Variants in TRMT1 observed in about 807,000 individuals in gnomAD.
TRMT1 encodes tRNA (guanine(26)-N(2))-dimethyltransferase.
TRMT1 carries 63 observed loss-of-function variants against 75.4 expected under a neutral mutation model. That is an observed-to-expected ratio of 0.84 (90% CI 0.68 to 1.03). The LOEUF is 1.03. TRMT1 is among the 50% of genes least tolerant of loss of function. The pLI is 0.00. For missense variants in TRMT1, 870 were observed against 905.3 expected (o/e 0.96, Z 0.50); for synonymous variants, 382 against 358.1 (o/e 1.07, Z -0.75).
chr19:13,107,447 C>G, intron 14 of TRMT1, 127 bp downstream of exon 14: 2 of 1,187,196 alleles, frequency 1.7e-6, no homozygotes, highest in Non-Finnish European at 2.4e-6. Flanking sequence ...CCCCAGTCAG[C>G]AGATTTTGAA....
rs199564415 is a variant in TRMT1, at chr19:13,105,410, G to A, written c.1704-14C>T. On this transcript the variant is annotated splice_polypyrimidine_tract_variant and intron_variant, in intron 15 of 16. Transcript: ENST00000357720. ...GCCGCCTTGCCCCTGTGCGAGGGGA[G>A]GAGTAGGTGGGACCCCATCTGCCCT... The A allele has an allele frequency of 6.5e-5, 105 of 1,613,608 alleles. No homozygotes were observed. The East Asian group carries it at 1.6e-3, about 25-fold the overall frequency.
Position 13,109,825 on chromosome 19 carries a change from C to T in TRMT1, c.1120G>A (p.Ala374Thr), listed in dbSNP as rs1599940545. 2 of 1,614,156 alleles carry T rather than the reference C, an allele frequency of 1.2e-6. No individual in the cohort carries two copies. The highest frequency in any genetic ancestry group is 1.1e-5 in the South Asian group (1 of 91,084). The change falls in exon 10 of 17, where the codon GCA (alanine) becomes ACA (threonine). Residue 374 changes from alanine (A) to threonine (T), a missense_variant. Ala to Thr is a moderately conservative substitution (Grantham distance 58). Transcript: ENST00000357720. ...GGGGTCACAGGGGGACCACAGGCTGCAGAGAACTTGGCCCTAAACAGAGAG... is the reference window on the plus strand; with the variant it reads ...GGGGTCACAGGGGGACCACAGGCTGTAGAGAACTTGGCCCTAAACAGAGAG... ...GVPSGRAKFSAACGPPVTPEC... is the reference protein window; with the variant it reads ...GVPSGRAKFSTACGPPVTPEC...
intron 5 of TRMT1, among the ~76,000 whole-genome samples, chr19:13,115,013 T>C (rs140380338): frequency 5.3e-4 from 80 of 152,334 alleles, no homozygotes; most frequent in African/African-American, 1.9e-3. Flanking sequence ...TATGGCTCAT[T>C]TGAATGAATA....
Position 13,105,096 on chromosome 19 carries a change from G to C in TRMT1, c.1834-15C>G. 6.4e-7 allele frequency: 1 copy of C among 1,574,228 alleles called. No homozygotes were observed. Among genetic ancestry groups the C allele is most frequent in the South Asian group, 1.2e-5 (1 of 83,784 alleles). On this transcript the variant is annotated splice_polypyrimidine_tract_variant and intron_variant, in intron 16 of 16. Transcript: ENST00000357720. Reference sequence around the variant, plus strand: ...TGACAGGTGCCCTGGTGGGAAGATGGTGGGTGTGAACCCCTGCCCGGAGCT... The same window carrying C: ...TGACAGGTGCCCTGGTGGGAAGATGCTGGGTGTGAACCCCTGCCCGGAGCT...
intron 7 of TRMT1, 79 bp from the exon 8 acceptor site, chr19:13,110,385 T>C: frequency 6.8e-7 from 1 of 1,466,906 alleles, no homozygotes; most frequent in Non-Finnish European, 9.1e-7. Context: ...TACTCACAAG[T>C]ACAGGCTCAG....
At chr19:13,108,912 ATTTT>A (rs74181811) in intron 12 of TRMT1, among the ~76,000 whole-genome samples, 4 of 126,098 alleles carry the variant, frequency 3.2e-5, no homozygotes, top group Admixed American at 2.5e-4. Flanking sequence ...GCCTGGCCTA[ATTTT>A]TTTTTTTTTT....
At position 13,107,597 on chromosome 19, in the gene TRMT1, G is replaced by T; in HGVS notation, c.1560C>A (p.Phe520Leu). The T allele has an allele frequency of 6.2e-7, 1 of 1,607,432 alleles. No homozygotes were observed. Among genetic ancestry groups the T allele is most frequent in the Non-Finnish European group, 8.5e-7 (1 of 1,176,420 alleles). Reference sequence around the variant, plus strand: ...ACCTGGGCTCCACACTGAGAATGCGGAACGCTGGGCTAGTCTCTGATAGTC... The same window carrying T: ...ACCTGGGCTCCACACTGAGAATGCGTAACGCTGGGCTAGTCTCTGATAGTC... ...RERLSETSPA[F>L]RILSVEPRLQ... is the part of the protein sequence containing the mutation. Residue 520 changes from phenylalanine (F) to leucine (L), a missense_variant, in exon 14 of 17, where the codon TTC becomes TTA. By Grantham distance (22) the Phe-to-Leu change is conservative. Transcript: ENST00000357720.
chr19:13,116,461 G>A, intron 1 of TRMT1, 30 bp from the exon 2 acceptor site: 1 of 1,544,530 alleles, frequency 6.5e-7, no homozygotes, highest in South Asian at 1.2e-5. Context: ...AGGGCACAGA[G>A]AGGGTCAGAG....
chr19:13,107,992 T>TC (rs2018962615), intron 12 of TRMT1, 133 bp from the exon 13 acceptor site: 2 of 546,732 alleles, frequency 3.7e-6, no homozygotes, highest in South Asian at 2.2e-5. Context: ...TTTCTTTTTT[T>TC]TTTTTTTTTT....
At chr19:13,114,998 T>C (rs980042735) in intron 5 of TRMT1, among the ~76,000 whole-genome samples, 4 of 152,216 alleles carry the variant, frequency 2.6e-5, no homozygotes, top group African/African-American at 7.2e-5. Flanking sequence ...AGACACTGGA[T>C]ATACTATGGC....
intron 7 of TRMT1, among the ~76,000 whole-genome samples, chr19:13,111,722 C>CA (rs2019149918): frequency 7.8e-6 from 1 of 128,404 alleles, no homozygotes; most frequent in Non-Finnish European, 1.6e-5. Context: ...TTTTTTGAGA[C>CA]AGAGTCTTGC....
At chr19:13,108,768 C>T (rs2018993227) in intron 12 of TRMT1, among the ~76,000 whole-genome samples, 1 of 151,648 alleles carries the variant, frequency 6.6e-6, no homozygotes, top group Admixed American at 6.6e-5. Context: ...TGCCACCACA[C>T]CCAGCTAATT....
At chr19:13,107,491 G>A in intron 14 of TRMT1, 83 bp downstream of exon 14, 2 of 1,453,538 alleles carry the variant, frequency 1.4e-6, no homozygotes, top group Non-Finnish European at 1.9e-6. Context: ...GTCTGTGTGG[G>A]GCAGCATCTG....
chr19:13,115,008 C>T (rs911979996), intron 5 of TRMT1, among the ~76,000 whole-genome samples: 1 of 152,156 alleles, frequency 6.6e-6, no homozygotes, highest in Non-Finnish European at 1.5e-5. Context: ...TATACTATGG[C>T]TCATTTGAAT....
At position 13,116,275 on chromosome 19, in the gene TRMT1, C is replaced by T. The variant is rs200648030; in HGVS notation, c.125G>A (p.Gly42Glu). 317 of 1,614,054 alleles carry T rather than the reference C, an allele frequency of 2.0e-4. 1 individual carries two copies. The highest frequency in any genetic ancestry group is 2.5e-4 in the Non-Finnish European group (300 of 1,180,052). The change falls in exon 2 of 17, where the codon GGG becomes GAG. Residue 42 changes from glycine to glutamate, a missense_variant. Coordinates refer to ENST00000357720, the MANE Select transcript of TRMT1 (RefSeq NM_001136035.4). The stretch of plus-strand genomic sequence containing the variant: ...ACGTGGACGTTCTTCTCCGTAGGGC[C>T]CGGTGCCGTTCTCCATCGCTGCTGT... ...PNTAAMENGT[G>E]PYGEERPREV...
Position 13,116,221 on chromosome 19 carries a change from C to G in TRMT1, c.179G>C (p.Gly60Ala), listed in dbSNP as rs1216817113. 37 of 1,614,070 alleles carry G rather than the reference C, an allele frequency of 2.3e-5. No individual in the cohort carries two copies. Among genetic ancestry groups the G allele is most frequent in the Non-Finnish European group, 2.8e-5 (33 of 1,180,036 alleles). ...ACTGGGAAAGGCGATTTTGGCAGCC[C>G]CCTCGGTGACTGTCGTCTCCTGGAC... is the stretch of plus-strand genomic sequence containing the variant. ...REVQETTVTE[G>A]AAKIAFPSAN... The change falls in exon 2 of 17, where the codon GGG becomes GCG. Residue 60 changes from glycine to alanine, a missense_variant. Physicochemically the swap from Gly to Ala is moderately conservative, Grantham distance 60 (BLOSUM62 0). Transcript: ENST00000357720.
chr19:13,115,191 C>T (rs1772494316), intron 5 of TRMT1, 88 bp downstream of exon 5: 2 of 1,420,166 alleles, frequency 1.4e-6, no homozygotes, highest in Non-Finnish European at 1.9e-6. Flanking sequence ...GTCACTCACT[C>T]AAGGTCACAG....
rs536198343 is a variant in TRMT1, at chr19:13,115,818, G to GAA, written c.311-52_311-51dup. ...CAGAGAATAACAAGGTCCCCTCTGA[G>GAA]AAACCTCCCCTTAATCTCCAAAATA... On this transcript the variant is annotated intron_variant, in intron 3 of 16. Coordinates refer to ENST00000357720, the MANE Select transcript of TRMT1 (RefSeq NM_001136035.4). 628 of 1,611,734 alleles carry GAA rather than the reference G, an allele frequency of 3.9e-4. 3 individuals carry two copies. The South Asian group carries it at 6.6e-3, about 17-fold the overall frequency.
At chr19:13,112,284 C>T (rs986907682) in intron 7 of TRMT1, among the ~76,000 whole-genome samples, 5 of 152,066 alleles carry the variant, frequency 3.3e-5, no homozygotes, top group Admixed American at 6.6e-5. Context: ...CCACTGCGCC[C>T]GGCCTTCAGA....
Sources: gnomAD v4.1 joint callset for allele counts (sites outside exome capture counted in the v4.1 genomes callset) on GRCh38, gnomAD v4.1.1 for gene constraint, MANE v1.5 for transcripts, NCBI Gene and HGNC (gene_info 2026-07-23, HGNC 2026-07-21) for gene names.